Variants in CCDC122 observed in about 807,000 individuals in gnomAD.
The protein encoded by CCDC122 is coiled-coil domain-containing protein 122.
In CCDC122, 38 loss-of-function variants were observed where a neutral mutation model predicts 37.0. The observed-to-expected ratio is 1.03, with a 90% CI of 0.79 to 1.35. The LOEUF (loss-of-function observed/expected upper bound fraction) is 1.35, where lower values mean the gene tolerates loss of function less well. Among genes scored for constraint, CCDC122 ranks in the 40% most tolerant of loss-of-function variants. The pLI is 0.00. For synonymous variants in CCDC122, 83 were observed against 95.6 expected (o/e 0.87, Z 0.77); for missense variants, 305 against 310.0 (o/e 0.98, Z 0.12).
At chr13:43,859,511 T>C (rs570625794) in intron 5 of CCDC122, among the ~76,000 whole-genome samples, 161 bp downstream of exon 5, 17 of 152,156 alleles carry the variant, frequency 1.1e-4, no homozygotes, top group African/African-American at 3.9e-4. Flanking sequence ...ATATAACACA[T>C]GTACTTATTC....
chr13:43,825,812 G>GA (rs1175975888), intron 3 of CCDC122, among the ~76,000 whole-genome samples: 1 of 150,162 alleles, frequency 6.7e-6, no homozygotes, highest in Non-Finnish European at 1.5e-5. Context: ...GGCAAGGGCT[G>GA]AAAAACTTCC....
chr13:43,857,174 C>T lies in CCDC122; in HGVS notation c.672+1607G>A, dbSNP rs142826257. On this transcript the variant is annotated intron_variant, in intron 6 of 6. Transcript: ENST00000444614. ...TTCTTTATTTCTGATATTCATGGTT[C>T]AGAAAAATGGTCTTTTTATACCATT... Among the ~76,000 whole-genome samples, 44 of 152,146 alleles carry T rather than the reference C, an allele frequency of 2.9e-4. No homozygotes were observed. The East Asian group carries it at 8.5e-3, about 29-fold the overall frequency.
At chr13:43,832,492 A>C (rs1286702293), downstream of CCDC122, among the ~76,000 whole-genome samples, 1 of 152,156 alleles carries the variant, frequency 6.6e-6, no homozygotes, top group Non-Finnish European at 1.5e-5. Context: ...GTAAACTTTA[A>C]AAGTTTCCAA....
intron 6 of CCDC122, chr13:43,848,796 TAAAATAATTAGAAC>T: frequency 1.2e-6 from 1 of 820,300 alleles, no homozygotes; most frequent in African/African-American, 1.8e-5. Flanking sequence ...ACACAATATT[TAAAATAATTAGAAC>T]AAAATAATGC....
chr13:43,847,665 C>T (rs1953588710), intron 6 of CCDC122, among the ~76,000 whole-genome samples: 1 of 152,162 alleles, frequency 6.6e-6, no homozygotes, highest in East Asian at 1.9e-4. Context: ...GACATTTCTT[C>T]TTATACTTTC....
intron 6 of CCDC122, among the ~76,000 whole-genome samples, chr13:43,841,183 G>A (rs571224354): frequency 1.3e-5 from 2 of 152,288 alleles, no homozygotes; most frequent in East Asian, 3.9e-4. Flanking sequence ...TAAAGCTACT[G>A]TAAGAATTCA....
chr13:43,840,432 G>T lies in CCDC122; in HGVS notation c.673-3003C>A, dbSNP rs550417427. Among the ~76,000 whole-genome samples, 5 of 152,008 alleles carry T rather than the reference G, an allele frequency of 3.3e-5. No homozygotes were observed. In the South Asian group the frequency reaches 1.0e-3, roughly 32 times the overall value. On this transcript the variant is annotated intron_variant, in intron 6 of 6. Transcript: ENST00000444614. ...TTAGGGTACATGTGCACAACATGCA[G>T]GTTTGTTACATATGTATACATGTGC... is the stretch of plus-strand genomic sequence containing the variant.
chr13:43,844,024 T>C (rs1419666022), intron 6 of CCDC122, among the ~76,000 whole-genome samples: 1 of 151,872 alleles, frequency 6.6e-6, no homozygotes, highest in Non-Finnish European at 1.5e-5. Context: ...TTTCTCGTTT[T>C]TCTGTTTTCT....
intron 2 of CCDC122, among the ~76,000 whole-genome samples, chr13:43,870,600 T>TA (rs964574326): frequency 7.3e-5 from 11 of 151,478 alleles, no homozygotes; most frequent in Admixed American, 2.6e-4. Flanking sequence ...TGCTTTAGAT[T>TA]AAAAAAAAAT....
chr13:43,819,590 T>C (rs968987159), downstream of CCDC122, among the ~76,000 whole-genome samples: 6 of 152,128 alleles, frequency 3.9e-5, no homozygotes, highest in Admixed American at 2.0e-4. Context: ...CCAACAAAGT[T>C]TAAACAGCCT....
intron 4 of CCDC122, among the ~76,000 whole-genome samples, chr13:43,868,053 C>CA (rs1954331461): frequency 3.6e-5 from 1 of 27,948 alleles, no homozygotes; most frequent in Non-Finnish European, 2.7e-4. Context: ...AGGAGCACAA[C>CA]AAATTCACGG....
intron 3 of CCDC122, among the ~76,000 whole-genome samples, chr13:43,830,732 C>T (rs989798624): frequency 1.3e-5 from 2 of 152,138 alleles, no homozygotes; most frequent in Non-Finnish European, 2.9e-5. Context: ...CTTGCATAAA[C>T]CGGTTCTAAA....
At chr13:43,868,988 C>G (rs562449899) in intron 3 of CCDC122, among the ~76,000 whole-genome samples, 185 bp from the exon 4 acceptor site, 1 of 151,976 alleles carries the variant, frequency 6.6e-6, no homozygotes, top group Non-Finnish European at 1.5e-5. Context: ...CAATAATAGG[C>G]AATTCAAAGT....
At chr13:43,831,191 AAGAACGACACTTGAGAGTGGCT>A (rs1464541535) in intron 3 of CCDC122, among the ~76,000 whole-genome samples, 99 of 152,302 alleles carry the variant, frequency 6.5e-4, no homozygotes, top group African/African-American at 2.3e-3. Flanking sequence ...TTTCATTTTA[AAGAACGACACTTGAGAGTGGCT>A]AGACAGTCTC....
rs983301564 is a variant in CCDC122, at chr13:43,850,340, C to T, written c.672+8441G>A. Among the ~76,000 whole-genome samples the T allele has an allele frequency of 2.0e-5, 3 of 152,208 alleles. No homozygotes were observed. The South Asian group carries it at 6.2e-4, about 31-fold the overall frequency. ...TGAGCAAGAAATCACAATCAACATG[C>T]ACCACACGAACATAACACAGAAGTT... On this transcript the variant is annotated intron_variant, in intron 6 of 6. Coordinates refer to ENST00000444614, the MANE Select transcript of CCDC122 (RefSeq NM_144974.5).
intron 6 of CCDC122, among the ~76,000 whole-genome samples, chr13:43,846,712 T>C (rs1953549262): frequency 6.6e-6 from 1 of 152,204 alleles, no homozygotes; most frequent in Non-Finnish European, 1.5e-5. Context: ...CTTATAAGCA[T>C]TCTAATTGTT....
intron 6 of CCDC122, among the ~76,000 whole-genome samples, chr13:43,847,131 T>G (rs952176116): frequency 2.0e-5 from 3 of 152,224 alleles, no homozygotes; most frequent in Non-Finnish European, 2.9e-5. Context: ...AATTGTGAGA[T>G]ATTTTGCAGC....
intron 1 of CCDC122, among the ~76,000 whole-genome samples, chr13:43,875,744 A>G (rs1954590723): frequency 6.6e-6 from 1 of 152,198 alleles, no homozygotes; most frequent in South Asian, 2.1e-4. Flanking sequence ...GTTGAGACTA[A>G]CAAAAAGAAG....
intron 1 of CCDC122, chr13:43,877,596 G>C (rs1309454156): frequency 6.6e-6 from 1 of 152,130 alleles, no homozygotes; most frequent in African/African-American, 2.4e-5. Flanking sequence ...TGGGGATTCA[G>C]GGAAGATTAT....
Sources: allele counts gnomAD v4.1 joint callset (sites outside exome capture counted in the v4.1 genomes callset), GRCh38; gene constraint gnomAD v4.1.1; transcripts MANE v1.5; gene names NCBI Gene and HGNC (gene_info 2026-07-23, HGNC 2026-07-21).